CALCOCO2: variants seen among roughly 807,000 people sequenced by gnomAD.
The protein encoded by CALCOCO2 is calcium binding and coiled-coil domain 2.
A neutral mutation model predicts 62.5 loss-of-function variants in CALCOCO2; 42 were observed. The observed-to-expected ratio is 0.67, with a 90% CI of 0.53 to 0.87. CALCOCO2 has a LOEUF of 0.87. CALCOCO2 is among the 40% of genes least tolerant of loss of function. The pLI is 0.00. For synonymous variants in CALCOCO2, 167 were observed against 173.0 expected (o/e 0.97, Z 0.27); for missense variants, 456 against 515.0 (o/e 0.89, Z 1.11).
At chr17:48,850,316 G>T (rs1234718733) in intron 5 of CALCOCO2, among the ~76,000 whole-genome samples, 1 of 150,936 alleles carries the variant, frequency 6.6e-6, no homozygotes, top group East Asian at 1.9e-4. Context: ...AATTAGCCAG[G>T]CATGGTGGCA....
rs374054023 is a variant in CALCOCO2 at position 48,862,888 on chromosome 17, C to A, written c.1224C>A (p.His408Gln). 166 of 1,613,920 alleles carry A rather than the reference C, an allele frequency of 1.0e-4. No individual in the cohort carries two copies. The highest frequency in any genetic ancestry group is 1.3e-4 in the Non-Finnish European group (148 of 1,179,876). ...PICKADDICDHTLEQQQMQPL... is the reference protein window; with the variant it reads ...PICKADDICDQTLEQQQMQPL... ...GCAAAGCAGATGATATTTGTGATCA[C>A]ACCTTGGAGCAACAGCAGATGCAGC... Residue 408 changes from histidine (H) to glutamine (Q), a missense_variant, in exon 13 of 13, where the codon CAC becomes CAA. Transcript: ENST00000258947.
chr17:48,857,360 G>C (rs559883407), intron 10 of CALCOCO2, among the ~76,000 whole-genome samples: 1 of 151,592 alleles, frequency 6.6e-6, no homozygotes, highest in Admixed American at 6.6e-5. Context: ...ACCACGCCTG[G>C]CTAGTTTTGT....
chr17:48,857,385 C>T (rs1439782272), intron 10 of CALCOCO2, among the ~76,000 whole-genome samples: 6 of 150,644 alleles, frequency 4.0e-5, no homozygotes, highest in Non-Finnish European at 5.9e-5. Flanking sequence ...TTAGTAGAGA[C>T]GGGGTTTCTC....
Position 48,848,810 on chromosome 17 carries a change from A to G in CALCOCO2, c.417+355A>G, listed in dbSNP as rs963252511. On this transcript the variant is annotated intron_variant, in intron 4 of 12. Transcript: ENST00000258947. Reference sequence around the variant, plus strand: ...TTCTTATCTCTTTCAGTTCTGGCCTACAGCCTGTCTGTCATACGTGAGTAT... The same window carrying G: ...TTCTTATCTCTTTCAGTTCTGGCCTGCAGCCTGTCTGTCATACGTGAGTAT... 5.5e-5 allele frequency: 27 copies of G among 493,560 alleles called. 1 individual carries two copies. Among genetic ancestry groups the G allele is most frequent in the Admixed American group, 3.2e-4 (14 of 43,640 alleles). 30.6% of individuals were successfully genotyped at this position (493,560 alleles called of 1,614,324 possible). A position where few individuals can be genotyped will look rare whatever the true frequency, so the allele number is the denominator to read the frequency against.
At chr17:48,854,722 A>G (rs866540936) in intron 9 of CALCOCO2, among the ~76,000 whole-genome samples, 8 of 151,534 alleles carry the variant, frequency 5.3e-5, no homozygotes, top group South Asian at 4.2e-4. Flanking sequence ...CTTAGTTTTC[A>G]TGGAATATTT....
chr17:48,845,323 G>GTA (rs1463613302), intron 2 of CALCOCO2, among the ~76,000 whole-genome samples: 4 of 81,656 alleles, frequency 4.9e-5, no homozygotes, highest in African/African-American at 1.8e-4. Flanking sequence ...TGTTGAGGGT[G>GTA]TGTGTGTGTG....
intron 10 of CALCOCO2, 88 bp from the exon 11 acceptor site, chr17:48,860,226 A>G (rs1459853095): frequency 2.1e-6 from 2 of 964,618 alleles, no homozygotes; most frequent in Admixed American, 4.4e-5. Context: ...CTAATTGAGA[A>G]CTACCTGGGA....
At chr17:48,862,048 CAAAA>C (rs10540362) in intron 11 of CALCOCO2, among the ~76,000 whole-genome samples, 2 of 133,688 alleles carry the variant, frequency 1.5e-5, no homozygotes, top group African/African-American at 2.8e-5. Context: ...GACTCTGTCT[CAAAA>C]AAAAAAAAAA....
At chr17:48,840,615 A>G (rs1247554760) in intron 1 of CALCOCO2, among the ~76,000 whole-genome samples, 1 of 152,204 alleles carries the variant, frequency 6.6e-6, no homozygotes, top group African/African-American at 2.4e-5. Context: ...CCCTCACTCA[A>G]AAACTCACTT....
At chr17:48,854,459 G>A (rs1333847903) in intron 9 of CALCOCO2, among the ~76,000 whole-genome samples, 1 of 105,134 alleles carries the variant, frequency 9.5e-6, no homozygotes, top group African/African-American at 3.7e-5. Context: ...AGGTTGGAGT[G>A]CGCTGACCTG....
At position 48,843,244 on chromosome 17, in the gene CALCOCO2, T is replaced by C. The variant is rs182498818; in HGVS notation, c.180+1357T>C. Reference sequence around the variant, plus strand: ...AATTTTAATTAGCTTACTCTCTATGTCCCCTTTGCCCTCCCATCCGTGTCT... The same window carrying C: ...AATTTTAATTAGCTTACTCTCTATGCCCCCTTTGCCCTCCCATCCGTGTCT... On this transcript the variant is annotated intron_variant, in intron 2 of 12. Coordinates refer to ENST00000258947, the MANE Select transcript of CALCOCO2 (RefSeq NM_005831.5). Among the ~76,000 whole-genome samples the C allele has an allele frequency of 4.6e-5, 7 of 152,272 alleles. No individual in the cohort carries two copies. The East Asian group carries it at 1.4e-3, about 29-fold the overall frequency.
rs1459014664 is a variant in CALCOCO2 at position 48,845,318 on chromosome 17, A to AGG, written c.181-2744_181-2743dup. 2.2e-3 allele frequency among the ~76,000 whole-genome samples: 173 copies of AGG among 79,854 alleles called. 3 individuals are homozygous for AGG. Among genetic ancestry groups the AGG allele is most frequent in the South Asian group, 0.011 (14 of 1,288 alleles). 52.4% of individuals were successfully genotyped at this position (79,854 alleles called of 152,430 possible). On this transcript the variant is annotated intron_variant, in intron 2 of 12. Coordinates refer to ENST00000258947, the MANE Select transcript of CALCOCO2 (RefSeq NM_005831.5). ...GACACACTATGCTAGGCCTATGTTG[A>AGG]GGGTGTGTGTGTGTGTGTGTGTGTG...
chr17:48,852,951 A>G lies in CALCOCO2; in HGVS notation c.851A>G (p.Gln284Arg), dbSNP rs779275146. 10 of 1,613,652 alleles carry G rather than the reference A, an allele frequency of 6.2e-6. No homozygotes were observed. Among genetic ancestry groups the G allele is most frequent in the Non-Finnish European group, 7.6e-6 (9 of 1,179,644 alleles). Residue 284 changes from glutamine (Q) to arginine (R), a missense_variant, in exon 9 of 13, where the codon CAG (glutamine) becomes CGG (arginine). Coordinates refer to ENST00000258947, the MANE Select transcript of CALCOCO2 (RefSeq NM_005831.5). ...EQRKDQKKLE[Q>R]TVEQMKQNET... Reference sequence around the variant, plus strand: ...AGGAAGGACCAGAAGAAGCTCGAGCAGACAGTGGAGCAAATGAAGCAGAAT... The same window carrying G: ...AGGAAGGACCAGAAGAAGCTCGAGCGGACAGTGGAGCAAATGAAGCAGAAT...
intron 5 of CALCOCO2, among the ~76,000 whole-genome samples, chr17:48,850,368 A>T (rs2040111206): frequency 6.6e-6 from 1 of 152,158 alleles, no homozygotes; most frequent in Non-Finnish European, 1.5e-5. Context: ...GAGGCAAGAT[A>T]ATTGCTTGAA....
In CALCOCO2 at chr17:48,853,026, T is replaced by C; in HGVS notation, c.912+14T>C. The C allele has an allele frequency of 6.4e-7, 1 of 1,571,348 alleles. No homozygotes were observed. The highest frequency in any genetic ancestry group is 1.3e-5 in the African/African-American group (1 of 74,138). ...CAGGAATTAATGGCATGTCTGTCTTTGGATGGTTATGTGGGAGGGAGCCTA... is the reference window on the plus strand; with the variant it reads ...CAGGAATTAATGGCATGTCTGTCTTCGGATGGTTATGTGGGAGGGAGCCTA... On this transcript the variant is annotated intron_variant, in intron 9 of 12. Coordinates refer to ENST00000258947, the MANE Select transcript of CALCOCO2 (RefSeq NM_005831.5).
intron 1 of CALCOCO2, among the ~76,000 whole-genome samples, chr17:48,832,884 A>G (rs1022552530): frequency 2.0e-5 from 3 of 152,122 alleles, no homozygotes; most frequent in Non-Finnish European, 2.9e-5. Context: ...CGCCAGCACT[A>G]TGGTGGTGTG....
chr17:48,862,302 C>G lies in CALCOCO2; in HGVS notation c.1171C>G (p.Pro391Ala). Residue 391 changes from proline to alanine, a missense_variant and splice_region_variant, in exon 12 of 13, where the codon CCG becomes GCG. By Grantham distance (27) the Pro-to-Ala change is conservative. Around this residue, in one of 3 missense-constraint regions of CALCOCO2, gnomAD observed 172 missense variants for 210.3 expected, o/e 0.82. Transcript: ENST00000258947. ...TATCCAAGAAAGTTCTTCCCCCAGC[C>G]CGGTAAGTATTTGATTCATGAGAAT... ...SGIQESSSPS[P>A]LSIKKCPICK... is the part of the protein sequence containing the mutation. The G allele has an allele frequency of 6.3e-7, 1 of 1,585,564 alleles. No individual in the cohort carries two copies. Among genetic ancestry groups the G allele is most frequent in the Non-Finnish European group, 8.7e-7 (1 of 1,154,124 alleles).
chr17:48,851,992 C>T (rs8076419), intron 7 of CALCOCO2, among the ~76,000 whole-genome samples: 17,309 of 151,904 alleles, frequency 0.11, 1,796 homozygotes, highest in African/African-American at 0.28. Flanking sequence ...ATTAGCTGGG[C>T]GTGCTAATTT....
intron 2 of CALCOCO2, 41 bp downstream of exon 2, chr17:48,841,928 G>T (rs773392344): frequency 3.1e-5 from 42 of 1,376,238 alleles, no homozygotes; most frequent in Non-Finnish European, 3.7e-5. Flanking sequence ...GGAACTAGAG[G>T]TGATTCTTAG....
Sources: gnomAD v4.1 joint callset for allele counts (sites outside exome capture counted in the v4.1 genomes callset) on GRCh38, gnomAD v4.1.1 for gene constraint, gnomAD v4.1.1 regional missense constraint, MANE v1.5 for transcripts, NCBI Gene and HGNC (gene_info 2026-07-23, HGNC 2026-07-21) for gene names.